Variants in WIPI2 observed in about 807,000 individuals in gnomAD.
The protein encoded by WIPI2 is WD repeat domain, phosphoinositide interacting 2.
WIPI2 carries 28 observed loss-of-function variants against 52.3 expected under a neutral mutation model. The observed-to-expected ratio is 0.54, with a 90% confidence interval of 0.40 to 0.73. The LOEUF is 0.73. Ranked by LOEUF, WIPI2 falls within the 30% of genes least tolerant of loss-of-function variation. The pLI, the probability that WIPI2 is intolerant of heterozygous loss-of-function variation, is 0.00. For missense variants in WIPI2, 506 were observed against 602.9 expected, an observed-to-expected ratio of 0.84 and a Z score of 1.68; for synonymous variants, 268 against 245.0, an observed-to-expected ratio of 1.09 and a Z score of -0.88.
At position 5,228,135 on chromosome 7, in the gene WIPI2, G is replaced by A. The variant is rs1472601897; in HGVS notation, c.1045G>A (p.Ala349Thr). 6.2e-7 allele frequency: 1 copy of A among 1,613,970 alleles called. No homozygotes were observed. Residue 349 changes from alanine (A) to threonine (T), a missense_variant, in exon 11 of 13, where the codon GCC (alanine) becomes ACC (threonine). By Grantham distance (58) the Ala-to-Thr change is moderately conservative. Coordinates refer to ENST00000288828, the MANE Select transcript of WIPI2 (RefSeq NM_015610.4). ...GAAGATCCCGCGGTTGTTGGTGGGT[G>A]CCGCCGACGGGTACCTGTACATGTA... is the stretch of plus-strand genomic sequence containing the variant. ...IQKIPRLLVG[A>T]ADGYLYMYNL...
rs377265100 is a variant in WIPI2 at position 5,228,121 on chromosome 7, G to T, written c.1031G>T (p.Arg344Leu). 1 of 1,613,948 alleles carries T rather than the reference G, an allele frequency of 6.2e-7. No homozygotes were observed. Among genetic ancestry groups the T allele is most frequent in the Non-Finnish European group, 8.5e-7 (1 of 1,180,006 alleles). ...CSLATIQKIP[R>L]LLVGAADGYL... Reference sequence around the variant, plus strand: ...CTCCCTAGAATTCAGAAGATCCCGCGGTTGTTGGTGGGTGCCGCCGACGGG... The same window carrying T: ...CTCCCTAGAATTCAGAAGATCCCGCTGTTGTTGGTGGGTGCCGCCGACGGG... Residue 344 changes from arginine (R) to leucine (L), a missense_variant, in exon 11 of 13, where the codon CGG (arginine) becomes CTG (leucine). Physicochemically the swap from Arg to Leu is moderately radical, Grantham distance 102. Coordinates refer to ENST00000288828, the MANE Select transcript of WIPI2 (RefSeq NM_015610.4).
intron 8 of WIPI2, among the ~76,000 whole-genome samples, chr7:5,223,175 C>T (rs1232767361): frequency 1.3e-5 from 2 of 152,234 alleles, no homozygotes; most frequent in African/African-American, 4.8e-5. Flanking sequence ...CCTCCTGTGG[C>T]GCCTGCTTTG....
Position 5,229,751 on chromosome 7 carries a change from A to T in WIPI2, c.1252+13A>T. 1 of 1,613,340 alleles carries T rather than the reference A, an allele frequency of 6.2e-7. No homozygotes were observed. The highest frequency in any genetic ancestry group is 1.7e-5 in the Admixed American group (1 of 59,992). ...CCAACGAGACTTGGTAAGGGGCGTGACGCAAACCTGGAAGGTAATTAGCCC... is the reference window on the plus strand; with the variant it reads ...CCAACGAGACTTGGTAAGGGGCGTGTCGCAAACCTGGAAGGTAATTAGCCC... On this transcript the variant is annotated intron_variant, in intron 12 of 12. Coordinates refer to ENST00000288828, the MANE Select transcript of WIPI2 (RefSeq NM_015610.4).
At chr7:5,192,058 T>G (rs1026221213) in intron 1 of WIPI2, among the ~76,000 whole-genome samples, 1 of 152,208 alleles carries the variant, frequency 6.6e-6, no homozygotes, top group Non-Finnish European at 1.5e-5. Context: ...CATGCTGTTT[T>G]TTTTTCTGTT....
At chr7:5,203,626 T>G (rs1197539623) in intron 3 of WIPI2, among the ~76,000 whole-genome samples, 4 of 14,180 alleles carry the variant, frequency 2.8e-4, no homozygotes, top group African/African-American at 7.3e-4. Flanking sequence ...ACGTTCAGCC[T>G]TTTTTTTTTT....
chr7:5,227,173 C>T lies in WIPI2; in HGVS notation c.849-7C>T. 6.2e-7 allele frequency: 1 copy of T among 1,613,738 alleles called. No individual in the cohort carries two copies. The highest frequency in any genetic ancestry group is 1.1e-5 in the South Asian group (1 of 91,082). The stretch of plus-strand genomic sequence containing the variant: ...AGCTTCATGTGTCTGGTGGCCTTTC[C>T]TTCCAGACCCCCAGAGGAGCCCACC... On this transcript the variant is annotated splice_region_variant and splice_polypyrimidine_tract_variant and intron_variant, in intron 9 of 12. Transcript: ENST00000288828. This position sits in a 1 kb window ranked among gnomAD's most constrained non-coding sequence, Gnocchi z 8.1.
intron 3 of WIPI2, among the ~76,000 whole-genome samples, chr7:5,203,101 C>A (rs996055724): frequency 1.8e-4 from 28 of 152,202 alleles, no homozygotes; most frequent in Non-Finnish European, 3.5e-4. Flanking sequence ...CATATAACAT[C>A]TTTTATCAAC....
rs1424502539 is a variant in WIPI2, at chr7:5,227,225, G to A, written c.894G>A (p.Val298=). Residue 298 remains valine, a synonymous_variant, in exon 10 of 13, where the codon GTG becomes GTA. Transcript: ENST00000288828. This position sits in a 1 kb window ranked among gnomAD's most constrained non-coding sequence, Gnocchi z 8.1. ...PTTWTGYFGK[V]LMASTSYLPS... ...CCTGGACCGGGTACTTCGGGAAAGT[G>A]CTCATGGCCTCCACCAGCTACCTGC... is the stretch of plus-strand genomic sequence containing the variant. The A allele has an allele frequency of 6.2e-7, 1 of 1,614,038 alleles. No individual in the cohort carries two copies. The highest frequency in any genetic ancestry group is 8.5e-7 in the Non-Finnish European group (1 of 1,180,034).
rs1249141329 is a variant in WIPI2, at chr7:5,232,073, C to G, written c.*1126C>G. The G allele has an allele frequency of 1.5e-5, 6 of 398,244 alleles. No individual in the cohort carries two copies. Among genetic ancestry groups the G allele is most frequent in the Middle Eastern group, 6.2e-4 (1 of 1,610 alleles). The allele number at this position is 398,244 out of a possible 1,614,324, so 24.7% of individuals were successfully genotyped here. ...ACAGAATTAAAACAACCTCAAGTAC[C>G]TCAGACTCTGCATTCCAAACCAAGG... On this transcript the variant is annotated 3_prime_UTR_variant, in exon 13 of 13. Transcript: ENST00000288828.
At chr7:5,203,694 G>A (rs987996840) in intron 3 of WIPI2, among the ~76,000 whole-genome samples, 9 of 142,258 alleles carry the variant, frequency 6.3e-5, no homozygotes, top group Non-Finnish European at 1.1e-4. Flanking sequence ...GTGTAGTGGC[G>A]CAATCTTGGC....
chr7:5,192,088 G>C (rs1213464730), intron 1 of WIPI2, among the ~76,000 whole-genome samples: 1 of 152,140 alleles, frequency 6.6e-6, no homozygotes, highest in Non-Finnish European at 1.5e-5. Context: ...GAATTCTGAA[G>C]ACAGTGAATT....
At chr7:5,228,776 T>G (rs932196937) in intron 11 of WIPI2, among the ~76,000 whole-genome samples, 2 of 152,248 alleles carry the variant, frequency 1.3e-5, no homozygotes, top group Non-Finnish European at 2.9e-5. Context: ...TCGCCCAGGC[T>G]GGAGAGCAGT....
At chr7:5,223,014 C>T (rs1335178604) in intron 8 of WIPI2, among the ~76,000 whole-genome samples, 1 of 152,218 alleles carries the variant, frequency 6.6e-6, no homozygotes, top group East Asian at 1.9e-4. Context: ...CTTTAAAGGC[C>T]ACGCTCTGAG....
chr7:5,204,964 A>C (rs903527240), intron 3 of WIPI2, among the ~76,000 whole-genome samples: 2 of 151,832 alleles, frequency 1.3e-5, no homozygotes, highest in African/African-American at 4.8e-5. Context: ...GTGTGAGCCA[A>C]CATGCCCGGC....
At chr7:5,199,487 G>C in intron 2 of WIPI2, 89 bp from the exon 3 acceptor site, 1 of 1,148,516 alleles carries the variant, frequency 8.7e-7, no homozygotes, top group Non-Finnish European at 1.3e-6. Context: ...GGAACTTGCT[G>C]GGAACTCGCT....
At chr7:5,223,528 C>T (rs948037662) in intron 8 of WIPI2, among the ~76,000 whole-genome samples, 23 of 152,216 alleles carry the variant, frequency 1.5e-4, no homozygotes, top group African/African-American at 5.5e-4. Flanking sequence ...CCTTACACCA[C>T]ATCTTTCTGG....
At chr7:5,206,144 A>T (rs1210693487) in intron 3 of WIPI2, among the ~76,000 whole-genome samples, 1 of 152,198 alleles carries the variant, frequency 6.6e-6, no homozygotes, top group East Asian at 1.9e-4. Flanking sequence ...CCCAGCATGT[A>T]CATAAAACAT....
chr7:5,194,267 C>G (rs558808631), intron 2 of WIPI2, among the ~76,000 whole-genome samples: 363 of 152,264 alleles, frequency 2.4e-3, no homozygotes, highest in Non-Finnish European at 3.0e-3. Context: ...GGCACCAGGG[C>G]CTCCCAGGTC....
At chr7:5,196,093 A>G (rs1180350452) in intron 2 of WIPI2, among the ~76,000 whole-genome samples, 2 of 151,800 alleles carry the variant, frequency 1.3e-5, no homozygotes, top group East Asian at 3.9e-4. Flanking sequence ...TAATCCCAGC[A>G]CTTTGGGAGG....
Sources: allele counts gnomAD v4.1 joint callset (sites outside exome capture counted in the v4.1 genomes callset), GRCh38; gene constraint gnomAD v4.1.1; non-coding constraint Gnocchi (gnomAD v3.1); transcripts MANE v1.5; gene names NCBI Gene and HGNC (gene_info 2026-07-23, HGNC 2026-07-21).